Variants in ERAP1 observed in about 807,000 individuals in gnomAD.
The protein encoded by ERAP1 is endoplasmic reticulum aminopeptidase 1.
A neutral mutation model predicts 103.7 loss-of-function variants in ERAP1; 86 were observed. That is an observed-to-expected ratio of 0.83 (90% CI 0.70 to 0.99). The LOEUF (loss-of-function observed/expected upper bound fraction) is 0.99, where lower values mean the gene tolerates loss of function less well. Ranked by LOEUF, ERAP1 falls within the 50% of genes least tolerant of loss-of-function variation. ERAP1 has a pLI of 0.00. For synonymous variants in ERAP1, 398 were observed against 402.4 expected (o/e 0.99, Z 0.13); for missense variants, 1,009 against 1,128.4 (o/e 0.89, Z 1.52).
At chr5:96,868,798 C>G in the ERAP1 span, among the ~76,000 whole-genome samples, 1 of 152,144 alleles carries the variant, frequency 6.6e-6, no homozygotes, top group Non-Finnish European at 1.5e-5. Flanking sequence ...GCAAGGCATA[C>G]TCTGAGAATC....
At chr5:96,774,207 A>AGAT (rs1371601373), downstream of ERAP1, 1 of 153,986 alleles carries the variant, frequency 6.5e-6, no homozygotes, top group African/African-American at 2.4e-5. Context: ...TGACACTGAC[A>AGAT]GATGTGTTTG....
At chr5:96,905,055 G>A in the ERAP1 span, among the ~76,000 whole-genome samples, 7 of 152,088 alleles carry the variant, frequency 4.6e-5, no homozygotes, top group African/African-American at 1.7e-4. Flanking sequence ...GATATACAAG[G>A]TTTGGAGGAT....
the ERAP1 span, chr5:96,880,380 C>G: frequency 1.1e-6 from 1 of 893,160 alleles, no homozygotes; most frequent in Non-Finnish European, 1.7e-6. Flanking sequence ...TATGGGGAAC[C>G]CAGAAGAAGG....
the ERAP1 span, among the ~76,000 whole-genome samples, chr5:96,898,824 GAC>G: frequency 6.6e-6 from 1 of 152,090 alleles, no homozygotes; most frequent in African/African-American, 2.4e-5. Context: ...CAGTGGTCCA[GAC>G]ACACTTTCTC....
At chr5:96,856,334 A>AT in the ERAP1 span, among the ~76,000 whole-genome samples, 1 of 35,586 alleles carries the variant, frequency 2.8e-5, no homozygotes, top group Non-Finnish European at 5.9e-5. Context: ...AAAAAAAAAA[A>AT]AAAAAAAAAA....
the ERAP1 span, among the ~76,000 whole-genome samples, chr5:96,885,754 A>G: frequency 6.6e-6 from 1 of 152,204 alleles, no homozygotes; most frequent in Non-Finnish European, 1.5e-5. Context: ...AAATGTTTTC[A>G]GATTATTGGA....
At position 96,801,014 on chromosome 5, in the gene ERAP1, A is replaced by C. The variant is rs1777929956; in HGVS notation, c.525-14T>G. The C allele has an allele frequency of 1.2e-6, 2 of 1,613,578 alleles. No individual in the cohort carries two copies. Among genetic ancestry groups the C allele is most frequent in the Non-Finnish European group, 1.7e-6 (2 of 1,179,970 alleles). On this transcript the variant is annotated splice_polypyrimidine_tract_variant and intron_variant, in intron 2 of 18. Coordinates refer to ENST00000443439, the MANE Select transcript of ERAP1 (RefSeq NM_001040458.3). ...GATGCTAGTATCCTAAAATTAAGGC[A>C]AGTGAAATAAAAATTGAGCATGAAG...
chr5:96,889,298 C>T, the ERAP1 span: 1 of 1,614,026 alleles, frequency 6.2e-7, no homozygotes, highest in Middle Eastern at 1.6e-4. Flanking sequence ...ATCCACTCTC[C>T]AAACTGGGTA....
chr5:96,895,854 A>G, the ERAP1 span, among the ~76,000 whole-genome samples: 1 of 152,170 alleles, frequency 6.6e-6, no homozygotes, highest in Non-Finnish European at 1.5e-5. Context: ...TTTGCATATC[A>G]AGGTGGTTAG....
At chr5:96,767,882 A>T (rs1457356290) in intron 19 of ERAP1, 2 of 1,506,972 alleles carry the variant, frequency 1.3e-6, no homozygotes, top group Admixed American at 1.7e-5. Flanking sequence ...TTCTTCACTG[A>T]TGGTTATTTC....
the ERAP1 span, among the ~76,000 whole-genome samples, chr5:96,933,921 T>C: frequency 6.6e-6 from 1 of 152,220 alleles, no homozygotes; most frequent in Non-Finnish European, 1.5e-5. Flanking sequence ...GGGGCCAGCC[T>C]AACGGTTCTG....
the ERAP1 span, among the ~76,000 whole-genome samples, chr5:96,900,523 T>G: frequency 6.6e-6 from 1 of 152,170 alleles, no homozygotes; most frequent in African/African-American, 2.4e-5. Context: ...CTGTTAGGTT[T>G]GGAAATACAG....
the ERAP1 span, among the ~76,000 whole-genome samples, chr5:96,830,775 GAGGA>G: frequency 2.0e-5 from 3 of 152,208 alleles, no homozygotes; most frequent in African/African-American, 7.2e-5. Context: ...TGCCTCTGGA[GAGGA>G]AGGAAGTGCA....
At chr5:96,915,570 T>C in the ERAP1 span, 1 of 473,590 alleles carries the variant, frequency 2.1e-6, no homozygotes, top group Non-Finnish European at 3.6e-6. Flanking sequence ...ACCGTATCTA[T>C]TGTAATACAC....
the ERAP1 span, among the ~76,000 whole-genome samples, chr5:96,916,249 A>G: frequency 6.6e-6 from 1 of 150,762 alleles, no homozygotes; most frequent in Non-Finnish European, 1.5e-5. Flanking sequence ...AACAAAAACA[A>G]AAAACAACAG....
chr5:96,776,305 T>C lies in ERAP1; in HGVS notation c.*91A>G. The C allele has an allele frequency of 1.9e-6, 3 of 1,548,758 alleles. No individual in the cohort carries two copies. The highest frequency in any genetic ancestry group is 2.3e-5 in the East Asian group (1 of 44,166). On this transcript the variant is annotated 3_prime_UTR_variant, in exon 19 of 19. Transcript: ENST00000443439. Reference sequence around the variant, plus strand: ...GTTGAAGGGAAAAAAGTATCTCCAGTTGGAGCCAAAACAGCCATCTCTAGT... The same window carrying C: ...GTTGAAGGGAAAAAAGTATCTCCAGCTGGAGCCAAAACAGCCATCTCTAGT...
At chr5:96,884,072 A>ATCTG in the ERAP1 span, 3 of 556,180 alleles carry the variant, frequency 5.4e-6, no homozygotes, top group South Asian at 5.9e-5. Context: ...CTATCTATCT[A>ATCTG]TCTATCTATC....
chr5:96,818,907 T>C, the ERAP1 span, among the ~76,000 whole-genome samples: 1 of 149,822 alleles, frequency 6.7e-6, no homozygotes, highest in Non-Finnish European at 1.5e-5. Context: ...TATTTATTTA[T>C]TTATTTATTT....
the ERAP1 span, among the ~76,000 whole-genome samples, chr5:96,820,707 AT>A: frequency 6.6e-6 from 1 of 151,994 alleles, no homozygotes; most frequent in Admixed American, 6.6e-5. Context: ...CAGATTAAAT[AT>A]TTTTTTCTCA....
Sources: allele counts gnomAD v4.1 joint callset (sites outside exome capture counted in the v4.1 genomes callset), GRCh38; gene constraint gnomAD v4.1.1; transcripts MANE v1.5; gene names NCBI Gene and HGNC (gene_info 2026-07-23, HGNC 2026-07-21).